Variants in SLCO1C1 observed in about 807,000 individuals in gnomAD.
SLCO1C1 encodes solute carrier organic anion transporter family member 1C1, also known as OAT-RP-5.
In SLCO1C1, 70 loss-of-function variants were observed where a neutral mutation model predicts 76.4. The ratio of observed to expected loss-of-function variants is 0.92; its 90% CI spans 0.76 to 1.12. The LOEUF is 1.12. SLCO1C1 is among the 50% of genes most tolerant of loss of function. The probability of loss-of-function intolerance (pLI) is 0.00; values close to 1 mark genes in which losing one functional copy is unlikely to be tolerated. For synonymous variants in SLCO1C1, 306 were observed against 286.1 expected, an observed-to-expected ratio of 1.07 and a Z score of -0.70; for missense variants, 912 against 823.8, an observed-to-expected ratio of 1.11 and a Z score of -1.31.
At chr12:20,729,043 G>A (rs1948154152) in intron 9 of SLCO1C1, among the ~76,000 whole-genome samples, 1 of 152,104 alleles carries the variant, frequency 6.6e-6, no homozygotes, top group Non-Finnish European at 1.5e-5. Context: ...TTCCTTGATG[G>A]TAGATGGTAA....
Position 20,752,349 on chromosome 12 carries a change from A to G in SLCO1C1, c.1960A>G (p.Ile654Val), listed in dbSNP as rs183848470. 43 of 1,612,074 alleles carry G rather than the reference A, an allele frequency of 2.7e-5. No homozygotes were observed. In the African/African-American group the frequency reaches 3.7e-4, roughly 14 times the overall value. ...GLTVILGTVS[I>V]LLSIAVLFIL... is the part of the protein sequence containing the mutation. ...AACTGTGATACTGGGCACAGTGTCAATTCTCCTAAGCATTGCAGTACTTTT... is the reference window on the plus strand; with the variant it reads ...AACTGTGATACTGGGCACAGTGTCAGTTCTCCTAAGCATTGCAGTACTTTT... The change falls in exon 15 of 15, where the codon ATT becomes GTT. Residue 654 changes from isoleucine (I) to valine (V), a missense_variant. Coordinates refer to ENST00000266509, the MANE Select transcript of SLCO1C1 (RefSeq NM_017435.5).
intron 11 of SLCO1C1, among the ~76,000 whole-genome samples, chr12:20,738,885 T>C (rs374116440): frequency 1.2e-4 from 18 of 152,196 alleles, no homozygotes; most frequent in East Asian, 3.8e-4. Flanking sequence ...CGACCAGAAT[T>C]AAGATTCAAA....
intron 9 of SLCO1C1, among the ~76,000 whole-genome samples, chr12:20,727,798 T>C (rs1948095566): frequency 6.6e-6 from 1 of 152,198 alleles, no homozygotes; most frequent in Non-Finnish European, 1.5e-5. Flanking sequence ...CGTGAGCCAC[T>C]GCGCCCGGCC....
Position 20,716,326 on chromosome 12 carries a change from C to T in SLCO1C1, c.677-806C>T, listed in dbSNP as rs374646687. 1.0e-3 allele frequency among the ~76,000 whole-genome samples: 154 copies of T among 152,358 alleles called. 6 individuals are homozygous for T. The South Asian group carries it at 0.03, about 30-fold the overall frequency. On this transcript the variant is annotated intron_variant, in intron 6 of 14. Transcript: ENST00000266509. ...GAGGAAAGGTCACAGCCAGGAGAAG[C>T]ATACAGGTGCTTAGGTGTGCCCTTC...
At chr12:20,719,141 A>G (rs1460010545) in intron 7 of SLCO1C1, among the ~76,000 whole-genome samples, 1 of 147,372 alleles carries the variant, frequency 6.8e-6, no homozygotes, top group Non-Finnish European at 1.5e-5. Context: ...TAGCTTACCC[A>G]TTATGGAGAT....
intron 10 of SLCO1C1, among the ~76,000 whole-genome samples, 194 bp downstream of exon 10, chr12:20,733,298 G>C (rs902562777): frequency 6.6e-6 from 1 of 152,202 alleles, no homozygotes. Flanking sequence ...TTTGATTGTA[G>C]AGAAATATAA....
At position 20,752,470 on chromosome 12, in the gene SLCO1C1, C is replaced by G; in HGVS notation, c.2081C>G (p.Thr694Ser). Residue 694 changes from threonine (T) to serine (S), a missense_variant, in exon 15 of 15, where the codon ACT becomes AGT. Transcript: ENST00000266509. ...ACAAGATTCCAAAAGGAAAATTACA[C>G]TACAAGTGATCATCTGCTACAACCC... ...VSTRFQKENYTTSDHLLQPNY... is the reference protein window; with the variant it reads ...VSTRFQKENYSTSDHLLQPNY... 1 of 1,612,404 alleles carries G rather than the reference C, an allele frequency of 6.2e-7. No individual in the cohort carries two copies. The highest frequency in any genetic ancestry group is 8.5e-7 in the Non-Finnish European group (1 of 1,178,976).
At chr12:20,706,230 C>G (rs569065220) in intron 4 of SLCO1C1, 149 bp downstream of exon 4, 1 of 1,037,804 alleles carries the variant, frequency 9.6e-7, no homozygotes, top group Admixed American at 3.2e-5. Context: ...AATTTCACAA[C>G]AATTTTATAA....
At chr12:20,724,069 T>C (rs902955104) in intron 9 of SLCO1C1, among the ~76,000 whole-genome samples, 27 of 152,110 alleles carry the variant, frequency 1.8e-4, no homozygotes, top group Non-Finnish European at 4.4e-5. Flanking sequence ...CATGCTAATA[T>C]AATTGACAGT....
intron 4 of SLCO1C1, among the ~76,000 whole-genome samples, chr12:20,707,008 C>A (rs546281603): frequency 6.6e-6 from 1 of 151,630 alleles, no homozygotes; most frequent in Non-Finnish European, 1.5e-5. Context: ...CTAGTCTGAA[C>A]TTTTTCTTGA....
chr12:20,738,684 G>GT (rs1246951687), intron 11 of SLCO1C1, among the ~76,000 whole-genome samples: 7 of 152,050 alleles, frequency 4.6e-5, no homozygotes, highest in Admixed American at 4.6e-4. Context: ...CTGCATGAAG[G>GT]TTTTTTTGTA....
At position 20,723,183 on chromosome 12, in the gene SLCO1C1, T is replaced by G; in HGVS notation, c.1115T>G (p.Met372Arg). ...STVQFNSLFG[M>R]VTYKPKYIEQ... ...GTTCAGTTCAATTCTCTGTTCGGCA[T>G]GGTGACGTACAAACCAAAGTACATT... The change falls in exon 9 of 15, where the codon ATG (methionine) becomes AGG (arginine). Residue 372 changes from methionine (M) to arginine (R), a missense_variant. By Grantham distance (91) the Met-to-Arg change is moderately conservative. Coordinates refer to ENST00000266509, the MANE Select transcript of SLCO1C1 (RefSeq NM_017435.5). 6.2e-7 allele frequency: 1 copy of G among 1,614,168 alleles called. No homozygotes were observed.
chr12:20,715,582 T>C (rs79715919), intron 6 of SLCO1C1, among the ~76,000 whole-genome samples: 4,392 of 152,294 alleles, frequency 0.029, 215 homozygotes, highest in African/African-American at 0.099. Context: ...TTTCATAGGT[T>C]CTTTTTAGTG....
intron 7 of SLCO1C1, among the ~76,000 whole-genome samples, chr12:20,720,207 A>G (rs1274521940): frequency 1.3e-5 from 2 of 152,168 alleles, no homozygotes; most frequent in African/African-American, 2.4e-5. Flanking sequence ...AAAAAAATAT[A>G]TATATATTCC....
intron 9 of SLCO1C1, among the ~76,000 whole-genome samples, chr12:20,730,928 T>C (rs1475077582): frequency 6.6e-6 from 1 of 151,976 alleles, no homozygotes. Flanking sequence ...CCCAAGAGAG[T>C]TTGCTGCCCC....
rs1948574226 is a variant in SLCO1C1 at position 20,736,964 on chromosome 12, C to A, written c.1383-143C>A. 7.2e-6 allele frequency: 4 copies of A among 558,102 alleles called. No individual in the cohort carries two copies. The South Asian group carries it at 1.6e-4, about 22-fold the overall frequency. The allele number at this position is 558,102 out of a possible 1,614,324, so 34.6% of individuals were successfully genotyped here. A position where few individuals can be genotyped will look rare whatever the true frequency, so the allele number is the denominator to read the frequency against. Reference sequence around the variant, plus strand: ...ACTCACATTTCATGACCAGAAGCTGCCATTTCTGATGACAACTGTGTTTCT... The same window carrying A: ...ACTCACATTTCATGACCAGAAGCTGACATTTCTGATGACAACTGTGTTTCT... On this transcript the variant is annotated intron_variant, in intron 10 of 14. Coordinates refer to ENST00000266509, the MANE Select transcript of SLCO1C1 (RefSeq NM_017435.5).
chr12:20,722,000 C>G lies in SLCO1C1; in HGVS notation c.972C>G (p.Asp324Glu), dbSNP rs1286551007. ...KSKFIIDDHT[D>E]YQTPQGENAK... The stretch of plus-strand genomic sequence containing the variant: ...AGTTTATTATAGATGATCACACAGA[C>G]TACCAAACACCCCAGGGAGAAAATG... The change falls in exon 8 of 15, where the codon GAC becomes GAG. Residue 324 changes from aspartate (D) to glutamate (E), a missense_variant. Transcript: ENST00000266509. 1.2e-6 allele frequency: 2 copies of G among 1,614,088 alleles called. No individual in the cohort carries two copies. The highest frequency in any genetic ancestry group is 4.5e-5 in the East Asian group (2 of 44,864).
At position 20,701,098 on chromosome 12, in the gene SLCO1C1, T is replaced by C. The variant is rs185802337; in HGVS notation, c.130-220T>C. Among the ~76,000 whole-genome samples, 4 of 152,194 alleles carry C rather than the reference T, an allele frequency of 2.6e-5. 1 individual carries two copies. The highest frequency in any genetic ancestry group is 2.6e-4 in the Admixed American group (4 of 15,246). On this transcript the variant is annotated intron_variant, in intron 2 of 14. Transcript: ENST00000266509. ...ACACATTTCGCATAAAAACCAAATA[T>C]ATATTTTAAATTCCAAGAGAATTTG...
chr12:20,699,801 TTAA>T, intron 2 of SLCO1C1, 96 bp downstream of exon 2: 1 of 1,317,988 alleles, frequency 7.6e-7, no homozygotes, highest in Non-Finnish European at 9.9e-7. Flanking sequence ...GTTTTCTCCT[TTAA>T]AAAAAAAAAA....
Sources: gnomAD v4.1 joint callset for allele counts (sites outside exome capture counted in the v4.1 genomes callset) on GRCh38, gnomAD v4.1.1 for gene constraint, MANE v1.5 for transcripts, NCBI Gene and HGNC (gene_info 2026-07-23, HGNC 2026-07-21) for gene names.